Variants in RNF43 observed in about 807,000 individuals in gnomAD.
The protein encoded by RNF43 is E3 ubiquitin-protein ligase RNF43.
A neutral mutation model predicts 78.4 loss-of-function variants in RNF43; 37 were observed. The observed-to-expected ratio is 0.47, with a 90% CI of 0.36 to 0.62. The LOEUF (loss-of-function observed/expected upper bound fraction) is 0.62. RNF43 is among the 20% of genes least tolerant of loss of function. The probability of loss-of-function intolerance (pLI) is 0.00; values close to 1 mark genes in which losing one functional copy is unlikely to be tolerated. For synonymous variants in RNF43, 347 were observed against 395.0 expected, an observed-to-expected ratio of 0.88 and a Z score of 1.44; for missense variants, 774 against 1,007.9, an observed-to-expected ratio of 0.77 and a Z score of 3.14.
At chr17:58,397,242 A>G (rs1973701782) in intron 2 of RNF43, among the ~76,000 whole-genome samples, 1 of 152,234 alleles carries the variant, frequency 6.6e-6, no homozygotes, top group Non-Finnish European at 1.5e-5. Context: ...TATGAAACAC[A>G]GCAATCCCAC....
At chr17:58,372,199 T>TA (rs1973112937) in intron 2 of RNF43, among the ~76,000 whole-genome samples, 1 of 152,232 alleles carries the variant, frequency 6.6e-6, no homozygotes, top group Admixed American at 6.5e-5. Flanking sequence ...ATGATGGATT[T>TA]AAAAGCACAC....
intron 2 of RNF43, among the ~76,000 whole-genome samples, chr17:58,403,596 C>T (rs536954161): frequency 1.4e-3 from 216 of 152,178 alleles, no homozygotes; most frequent in Non-Finnish European, 2.7e-3. Context: ...AGCACGGCGG[C>T]CCTTCTCTTT....
rs554543469 is a variant in RNF43 at position 58,370,696 on chromosome 17, G to A, written c.375+215C>T. On this transcript the variant is annotated intron_variant, in intron 3 of 9. Coordinates refer to ENST00000407977, the MANE Select transcript of RNF43 (RefSeq NM_017763.6). ...AAGGAGGTGGGATGGGGAGCATGCT[G>A]GGATGAAGGTCAAAAAGTCCTGCTG... Among the ~76,000 whole-genome samples, 138 of 152,292 alleles carry A rather than the reference G, an allele frequency of 9.1e-4. 1 individual carries two copies. The highest frequency in any genetic ancestry group is 7.5e-3 in the South Asian group (36 of 4,826).
rs370069540 is a variant in RNF43, at chr17:58,362,583, C to T, written c.648G>A (p.Ser216=). ...GGGGGCGGCACCGGATGCGCAGCACCGAAGCCAGGATGATCACAAAGATGG... is the reference window on the plus strand; with the variant it reads ...GGGGGCGGCACCGGATGCGCAGCACTGAAGCCAGGATGATCACAAAGATGG... ...VGTIFVIILA[S]VLRIRCRPRH... is the part of the protein sequence containing the mutation. Residue 216 remains serine (S), a synonymous_variant, in exon 6 of 10, where the codon TCG becomes TCA. Coordinates refer to ENST00000407977, the MANE Select transcript of RNF43 (RefSeq NM_017763.6). 14 of 1,611,902 alleles carry T rather than the reference C, an allele frequency of 8.7e-6. No individual in the cohort carries two copies. The highest frequency in any genetic ancestry group is 2.2e-5 in the East Asian group (1 of 44,696).
chr17:58,377,191 G>A (rs148250441), intron 2 of RNF43, among the ~76,000 whole-genome samples: 23 of 152,280 alleles, frequency 1.5e-4, no homozygotes, highest in Admixed American at 1.2e-3. Context: ...GAACAAGAAT[G>A]CTTTGTGTAG....
chr17:58,412,835 T>A (rs1397763355), intron 2 of RNF43, among the ~76,000 whole-genome samples: 4 of 151,854 alleles, frequency 2.6e-5, no homozygotes, highest in South Asian at 2.1e-4. Flanking sequence ...TTTTTTTTTT[T>A]AAATCACTGT....
At chr17:58,413,792 A>C (rs1057497082) in intron 2 of RNF43, among the ~76,000 whole-genome samples, 1 of 152,216 alleles carries the variant, frequency 6.6e-6, no homozygotes, top group Non-Finnish European at 1.5e-5. Context: ...AGAATACATT[A>C]TTTTATGGAA....
intron 2 of RNF43, among the ~76,000 whole-genome samples, chr17:58,375,367 C>T (rs991808374): frequency 6.6e-6 from 1 of 152,318 alleles, no homozygotes; most frequent in African/African-American, 2.4e-5. Flanking sequence ...CTCTTCCCAC[C>T]TTGCGACCTA....
intron 6 of RNF43, among the ~76,000 whole-genome samples, chr17:58,362,086 A>AAAAC (rs763077009): frequency 4.1e-4 from 62 of 151,342 alleles, no homozygotes; most frequent in East Asian, 2.1e-3. Flanking sequence ...ACTCTGTCTC[A>AAAAC]AAACAAACAA....
intron 3 of RNF43, among the ~76,000 whole-genome samples, chr17:58,369,726 T>C (rs1973039736): frequency 6.6e-6 from 1 of 152,258 alleles, no homozygotes; most frequent in Non-Finnish European, 1.5e-5. Flanking sequence ...CTGACTTTTC[T>C]GATCTTCACT....
chr17:58,362,780 A>G, intron 5 of RNF43, 132 bp from the exon 6 acceptor site: 1 of 624,092 alleles, frequency 1.6e-6, no homozygotes, highest in Non-Finnish European at 2.7e-6. Context: ...GAGGGGATGG[A>G]GAGGAACCTG....
At chr17:58,380,438 T>C (rs1432110872) in intron 2 of RNF43, among the ~76,000 whole-genome samples, 2 of 152,226 alleles carry the variant, frequency 1.3e-5, no homozygotes, top group East Asian at 1.9e-4. Context: ...CTCTCACACC[T>C]AACCCAATGT....
intron 2 of RNF43, among the ~76,000 whole-genome samples, chr17:58,384,325 TAGAG>T (rs1973386754): frequency 6.6e-6 from 1 of 152,038 alleles, no homozygotes. Flanking sequence ...GGGAAGTACT[TAGAG>T]AGTTAGGGAG....
rs750759880 is a variant in RNF43, at chr17:58,358,600, T to C, written c.1176A>G (p.Arg392=). ...CTCCTGGAGCCCGGGGATGTGCAGC[T>C]CTGGGGAAGCGGTGATGCCGAGGGC... ...GMGPRHHRFP[R]AAHPRAPGEQ... is the part of the protein sequence containing the mutation. The change falls in exon 9 of 10, where the codon AGA becomes AGG. Residue 392 remains arginine (R), a synonymous_variant. Coordinates refer to ENST00000407977, the MANE Select transcript of RNF43 (RefSeq NM_017763.6). The surrounding 1 kb of genome is among the most constrained non-coding windows in gnomAD (Gnocchi z 6.2). The C allele has an allele frequency of 1.3e-6, 2 of 1,580,456 alleles. No individual in the cohort carries two copies. The highest frequency in any genetic ancestry group is 8.6e-7 in the Non-Finnish European group (1 of 1,162,062).
At chr17:58,387,392 T>C (rs1973460698) in intron 2 of RNF43, among the ~76,000 whole-genome samples, 1 of 152,208 alleles carries the variant, frequency 6.6e-6, no homozygotes, top group Admixed American at 6.5e-5. Context: ...GGCTCACACC[T>C]GTAATCCCAG....
intron 9 of RNF43, among the ~76,000 whole-genome samples, chr17:58,356,658 T>TTC (rs1027456525): frequency 2.0e-5 from 3 of 151,468 alleles, no homozygotes; most frequent in African/African-American, 4.8e-5. Flanking sequence ...CACCTGTGGT[T>TTC]TCTCTCTCTC....
intron 2 of RNF43, among the ~76,000 whole-genome samples, chr17:58,373,010 C>T (rs374309576): frequency 6.6e-6 from 1 of 152,180 alleles, no homozygotes; most frequent in Admixed American, 6.5e-5. Flanking sequence ...CACTGGAGAC[C>T]AATTTCTCTG....
At chr17:58,408,248 A>C (rs1030011224) in intron 2 of RNF43, among the ~76,000 whole-genome samples, 15 of 152,216 alleles carry the variant, frequency 9.9e-5, no homozygotes, top group African/African-American at 3.6e-4. Flanking sequence ...GATATGTCTT[A>C]GAGAGTCAAC....
intron 2 of RNF43, among the ~76,000 whole-genome samples, chr17:58,395,728 G>A (rs1973666062): frequency 6.6e-6 from 1 of 152,192 alleles, no homozygotes; most frequent in Admixed American, 6.5e-5. Flanking sequence ...AGGAACTGCT[G>A]CTTAGAAACT....
Sources: gnomAD v4.1 joint callset for allele counts (sites outside exome capture counted in the v4.1 genomes callset) on GRCh38, gnomAD v4.1.1 for gene constraint, Gnocchi (gnomAD v3.1) non-coding constraint, MANE v1.5 for transcripts, NCBI Gene and HGNC (gene_info 2026-07-23, HGNC 2026-07-21) for gene names.